MAPK14: variants seen among roughly 807,000 people sequenced by gnomAD.
MAPK14 encodes the protein CSAID-binding protein.
MAPK14 carries 16 observed loss-of-function variants against 49.6 expected under a neutral mutation model. The ratio of observed to expected loss-of-function variants is 0.32; its 90% CI spans 0.22 to 0.49. The LOEUF is 0.49. Ranked by LOEUF, MAPK14 falls within the 20% of genes least tolerant of loss-of-function variation. MAPK14 has a pLI of 0.99. For synonymous variants in MAPK14, 142 were observed against 158.0 expected (o/e 0.90, Z 0.76); for missense variants, 200 against 441.2 (o/e 0.45, Z 4.90).
chr6:36,067,208 T>G (rs59138620), intron 3 of MAPK14, among the ~76,000 whole-genome samples: 2,706 of 152,226 alleles, frequency 0.018, 76 homozygotes, highest in African/African-American at 0.06. Context: ...TTTCTCAGAT[T>G]AGCTAGTTTT....
At chr6:36,045,547 G>A (rs1159871584) in intron 1 of MAPK14, among the ~76,000 whole-genome samples, 3 of 151,954 alleles carry the variant, frequency 2.0e-5, no homozygotes, top group Non-Finnish European at 4.4e-5. Context: ...GGTGGCTCAC[G>A]CCTGTAATCC....
In MAPK14 at chr6:36,109,226, T is replaced by A. The variant is rs1192003212; in HGVS notation, c.*779T>A. 6.6e-6 allele frequency: 1 copy of A among 152,632 alleles called. No individual in the cohort carries two copies. Among genetic ancestry groups the A allele is most frequent in the Non-Finnish European group, 1.5e-5 (1 of 68,052 alleles). 9.5% of individuals were successfully genotyped at this position (152,632 alleles called of 1,614,324 possible). On this transcript the variant is annotated 3_prime_UTR_variant, in exon 12 of 12. Coordinates refer to ENST00000229794, the MANE Select transcript of MAPK14 (RefSeq NM_139012.3). ...GCACATGCGTATATGTGCGTCTCTC[T>A]TTCTCCCTCACCCCCAGGTGTTGCC...
intron 1 of MAPK14, among the ~76,000 whole-genome samples, chr6:36,038,285 G>T (rs1762827982): frequency 6.6e-6 from 1 of 152,296 alleles, no homozygotes; most frequent in East Asian, 1.9e-4. Context: ...ATTAGCAAGT[G>T]TGCAAAAGCC....
At chr6:36,033,275 G>A (rs763680876) in intron 1 of MAPK14, among the ~76,000 whole-genome samples, 1 of 151,720 alleles carries the variant, frequency 6.6e-6, no homozygotes, top group Non-Finnish European at 1.5e-5. Flanking sequence ...GAGTTCATTC[G>A]AAGCTGGCTA....
At chr6:36,089,553 A>T (rs1420987898) in intron 8 of MAPK14, among the ~76,000 whole-genome samples, 1 of 152,236 alleles carries the variant, frequency 6.6e-6, no homozygotes, top group African/African-American at 2.4e-5. Flanking sequence ...TTAATTTTAA[A>T]AAAATATAAG....
chr6:36,090,861 A>T (rs1765198576), intron 8 of MAPK14, among the ~76,000 whole-genome samples: 1 of 152,210 alleles, frequency 6.6e-6, no homozygotes, highest in Non-Finnish European at 1.5e-5. Flanking sequence ...TAACTTGAAA[A>T]TACATTTTCT....
At chr6:36,100,138 A>G in intron 9 of MAPK14, 2 of 1,344,442 alleles carry the variant, frequency 1.5e-6, no homozygotes, top group Non-Finnish European at 2.1e-6. Context: ...TGAGTTGAAA[A>G]TTATTTTTTG....
chr6:36,048,430 G>A (rs890729722), intron 1 of MAPK14, among the ~76,000 whole-genome samples: 1 of 152,202 alleles, frequency 6.6e-6, no homozygotes, highest in Admixed American at 6.5e-5. Flanking sequence ...TCCTGCCCTG[G>A]CCTCCCAAAG....
At chr6:36,083,118 G>A (rs1394767044) in intron 8 of MAPK14, among the ~76,000 whole-genome samples, 1 of 152,212 alleles carries the variant, frequency 6.6e-6, no homozygotes, top group Non-Finnish European at 1.5e-5. Flanking sequence ...AAAACGGTGA[G>A]TGAATCCTGC....
At chr6:36,053,745 C>G (rs1763487537) in intron 2 of MAPK14, among the ~76,000 whole-genome samples, 1 of 152,176 alleles carries the variant, frequency 6.6e-6, no homozygotes, top group Admixed American at 6.5e-5. Flanking sequence ...AGTAATTTAA[C>G]TTCTTCATAG....
At chr6:36,084,358 T>C (rs144616356) in intron 8 of MAPK14, among the ~76,000 whole-genome samples, 1 of 152,254 alleles carries the variant, frequency 6.6e-6, no homozygotes, top group African/African-American at 2.4e-5. Flanking sequence ...ATGGATGAAT[T>C]GACAGAAGTA....
At chr6:36,055,384 T>C (rs1265536805) in intron 2 of MAPK14, among the ~76,000 whole-genome samples, 1 of 152,230 alleles carries the variant, frequency 6.6e-6, no homozygotes, top group Non-Finnish European at 1.5e-5. Flanking sequence ...CTAAATATTG[T>C]CTCTGGATAC....
intron 6 of MAPK14, among the ~76,000 whole-genome samples, chr6:36,074,555 CCATTT>C (rs1231232272): frequency 6.6e-6 from 1 of 152,116 alleles, no homozygotes; most frequent in Non-Finnish European, 1.5e-5. Context: ...TTAGAATGCA[CCATTT>C]CATTTGGCAA....
intron 1 of MAPK14, among the ~76,000 whole-genome samples, chr6:36,041,289 TC>T (rs1762952147): frequency 6.6e-6 from 1 of 151,966 alleles, no homozygotes; most frequent in Non-Finnish European, 1.5e-5. Flanking sequence ...TTTCTCTAAT[TC>T]TCCTATTTCA....
At chr6:36,050,547 A>T (rs1032374967) in intron 1 of MAPK14, among the ~76,000 whole-genome samples, 6 of 152,126 alleles carry the variant, frequency 3.9e-5, no homozygotes, top group Non-Finnish European at 8.8e-5. Context: ...CTGGATGTTG[A>T]AGTTGCCAAG....
rs373387377 is a variant in MAPK14 at position 36,086,070 on chromosome 6, T to C, written c.682+9462T>C. ...TCCTGAATGACTCCTGGATAAATAA[T>C]GAAATTAAGGCGGAAATCAGAAGTT... On this transcript the variant is annotated intron_variant, in intron 8 of 11. Transcript: ENST00000229794. 2.0e-5 allele frequency among the ~76,000 whole-genome samples: 3 copies of C among 152,134 alleles called. No individual in the cohort carries two copies. The East Asian group carries it at 5.8e-4, about 29-fold the overall frequency.
intron 8 of MAPK14, among the ~76,000 whole-genome samples, chr6:36,078,189 A>G (rs915511650): frequency 1.2e-4 from 18 of 152,108 alleles, no homozygotes; most frequent in African/African-American, 4.1e-4. Context: ...CCTAACCTCT[A>G]TTTCTCTCAG....
chr6:36,073,739 A>T lies in MAPK14; in HGVS notation c.447+19A>T, dbSNP rs199516123. The T allele has an allele frequency of 1.8e-4, 289 of 1,609,570 alleles. No homozygotes were observed. The highest frequency in any genetic ancestry group is 2.1e-4 in the Non-Finnish European group (246 of 1,177,428). The stretch of plus-strand genomic sequence containing the variant: ...TCACAGGGTATGTATTGTGACTTTG[A>T]TTACATTATTTTGGGGAAGTGGGGT... On this transcript the variant is annotated intron_variant, in intron 5 of 11. Coordinates refer to ENST00000229794, the MANE Select transcript of MAPK14 (RefSeq NM_139012.3).
chr6:36,032,452 T>G (rs1274090563), intron 1 of MAPK14, among the ~76,000 whole-genome samples: 2 of 152,202 alleles, frequency 1.3e-5, no homozygotes, highest in African/African-American at 2.4e-5. Context: ...TTTGGGGTTT[T>G]GGGACAGAAG....
Sources: allele counts gnomAD v4.1 joint callset (sites outside exome capture counted in the v4.1 genomes callset), GRCh38; gene constraint gnomAD v4.1.1; transcripts MANE v1.5; gene names NCBI Gene and HGNC (gene_info 2026-07-23, HGNC 2026-07-21).